The following NEO1 variants were observed in gnomAD, a reference collection of about 807,000 sequenced individuals.
The protein encoded by NEO1 is neogenin 1.
Under a neutral mutation model 159.7 loss-of-function variants are expected in NEO1, and 63 were observed. The ratio of observed to expected loss-of-function variants is 0.39; its 90% CI spans 0.32 to 0.49. The LOEUF (loss-of-function observed/expected upper bound fraction) is 0.49, where lower values mean the gene tolerates loss of function less well. NEO1 is among the 20% of genes least tolerant of loss of function. The pLI is 0.85. For synonymous variants in NEO1, 633 were observed against 662.0 expected (o/e 0.96, Z 0.67); for missense variants, 1,615 against 1,831.0 (o/e 0.88, Z 2.15).
At chr15:73,177,639 T>C (rs2035355986) in intron 6 of NEO1, among the ~76,000 whole-genome samples, 1 of 152,278 alleles carries the variant, frequency 6.6e-6, no homozygotes, top group Admixed American at 6.5e-5. Context: ...CTCAAACTCC[T>C]GGGCTTAAGC....
At chr15:73,180,237 G>A (rs993336373) in intron 7 of NEO1, among the ~76,000 whole-genome samples, 4 of 152,130 alleles carry the variant, frequency 2.6e-5, no homozygotes, top group African/African-American at 9.7e-5. Flanking sequence ...AAGCTAATTG[G>A]CAAAGATGGC....
chr15:73,273,789 TC>T, intron 19 of NEO1, 21 bp from the exon 20 acceptor site: 1 of 1,580,174 alleles, frequency 6.3e-7, no homozygotes, highest in Non-Finnish European at 8.6e-7. Flanking sequence ...AGATTTCTTT[TC>T]CCATTAATTC....
At chr15:73,254,375 C>G (rs2040234062) in intron 12 of NEO1, among the ~76,000 whole-genome samples, 1 of 152,026 alleles carries the variant, frequency 6.6e-6, no homozygotes, top group African/African-American at 2.4e-5. Flanking sequence ...TGCTTCTGGC[C>G]TTCTTATACT....
intron 5 of NEO1, among the ~76,000 whole-genome samples, chr15:73,148,965 T>C (rs2033149612): frequency 6.6e-6 from 1 of 151,904 alleles, no homozygotes. Flanking sequence ...GTAGGAATAG[T>C]TGCCACACCC....
intron 7 of NEO1, among the ~76,000 whole-genome samples, chr15:73,209,929 G>C (rs2037458336): frequency 6.6e-6 from 1 of 152,092 alleles, no homozygotes; most frequent in Non-Finnish European, 1.5e-5. Flanking sequence ...CATGAACCCA[G>C]GAGGCGGAGG....
intron 7 of NEO1, among the ~76,000 whole-genome samples, chr15:73,222,533 T>A (rs1003792857): frequency 6.6e-6 from 1 of 152,206 alleles, no homozygotes; most frequent in Non-Finnish European, 1.5e-5. Context: ...TTTTCTAGTT[T>A]ATGTGCATAA....
chr15:73,270,507 G>T, intron 18 of NEO1, 53 bp downstream of exon 18: 2 of 1,543,178 alleles, frequency 1.3e-6, no homozygotes, highest in Non-Finnish European at 1.7e-6. Context: ...CCCAAGGAAA[G>T]AATTGAGTGC....
chr15:73,171,289 G>A lies in NEO1; in HGVS notation c.1016-5114G>A, dbSNP rs1388842546. The stretch of plus-strand genomic sequence containing the variant: ...ATTTTTAAGAACATAGAGGCCAGGC[G>A]TAGTGGCTCATGCCTGTAAACCTAG... On this transcript the variant is annotated intron_variant, in intron 5 of 28. Transcript: ENST00000261908. Among the ~76,000 whole-genome samples, 5 of 152,094 alleles carry A rather than the reference G, an allele frequency of 3.3e-5. No individual in the cohort carries two copies. The South Asian group carries it at 1.0e-3, about 32-fold the overall frequency.
chr15:73,108,798 T>C (rs2070819892), intron 1 of NEO1, among the ~76,000 whole-genome samples: 1 of 152,162 alleles, frequency 6.6e-6, no homozygotes, highest in Non-Finnish European at 1.5e-5. Context: ...AAGCTAGCCA[T>C]GCGACAGAGA....
chr15:73,124,223 G>A (rs766697817), intron 3 of NEO1, among the ~76,000 whole-genome samples: 3 of 149,328 alleles, frequency 2.0e-5, no homozygotes, highest in Non-Finnish European at 3.0e-5. Context: ...CACCACATCT[G>A]GCTAATTTTT....
intron 7 of NEO1, among the ~76,000 whole-genome samples, chr15:73,196,131 A>G (rs1353312235): frequency 4.6e-5 from 7 of 152,216 alleles, no homozygotes; most frequent in Non-Finnish European, 1.0e-4. Context: ...GTTTAGGATG[A>G]AAGGAGAGAA....
At chr15:73,130,409 T>G (rs982316724) in intron 4 of NEO1, among the ~76,000 whole-genome samples, 2 of 151,264 alleles carry the variant, frequency 1.3e-5, no homozygotes, top group South Asian at 2.1e-4. Context: ...GAAATCCTAC[T>G]AGGCACAAAC....
intron 13 of NEO1, 140 bp downstream of exon 13, chr15:73,254,969 C>T: frequency 2.5e-6 from 2 of 814,944 alleles, no homozygotes; most frequent in East Asian, 2.8e-5. Flanking sequence ...TGGTTCAATC[C>T]ACTTCTGACT....
intron 5 of NEO1, among the ~76,000 whole-genome samples, chr15:73,153,707 AGG>A (rs928152784): frequency 5.3e-5 from 8 of 152,238 alleles, no homozygotes; most frequent in African/African-American, 1.4e-4. Context: ...GAGGGTCTAA[AGG>A]GATTTAATAG....
chr15:73,189,466 C>T (rs1255623216), intron 7 of NEO1, among the ~76,000 whole-genome samples: 1 of 152,244 alleles, frequency 6.6e-6, no homozygotes, highest in Admixed American at 6.5e-5. Context: ...CTTTGCTCTT[C>T]TGTGAGTTGT....
intron 5 of NEO1, among the ~76,000 whole-genome samples, chr15:73,142,079 A>G (rs191753836): frequency 1.1e-4 from 16 of 152,208 alleles, no homozygotes; most frequent in Admixed American, 9.8e-4. Flanking sequence ...GGGTTGTTTT[A>G]AGGATTAAAC....
intron 21 of NEO1, among the ~76,000 whole-genome samples, chr15:73,277,381 G>T (rs2680350): frequency 0.095 from 14,399 of 152,188 alleles, 909 homozygotes; most frequent in African/African-American, 0.17. Context: ...CCAAGTATAA[G>T]AATTTTTTAA....
At chr15:73,282,659 T>G (rs2041778772) in intron 22 of NEO1, among the ~76,000 whole-genome samples, 1 of 152,236 alleles carries the variant, frequency 6.6e-6, no homozygotes, top group Admixed American at 6.5e-5. Context: ...GCCAAGACTC[T>G]TTATCTGTCT....
At chr15:73,091,478 G>A (rs1207735211) in intron 1 of NEO1, among the ~76,000 whole-genome samples, 1 of 152,136 alleles carries the variant, frequency 6.6e-6, no homozygotes, top group Non-Finnish European at 1.5e-5. Context: ...AAAATTAGCA[G>A]TGAGCTCAGC....
Sources: gnomAD v4.1 joint callset for allele counts (sites outside exome capture counted in the v4.1 genomes callset) on GRCh38, gnomAD v4.1.1 for gene constraint, MANE v1.5 for transcripts, NCBI Gene and HGNC (gene_info 2026-07-23, HGNC 2026-07-21) for gene names.